COL4A4: variants seen among roughly 807,000 people sequenced by gnomAD.
The protein encoded by COL4A4 is collagen type IV alpha 4 chain.
COL4A4 carries 105 observed loss-of-function variants against 192.9 expected under a neutral mutation model. The ratio of observed to expected loss-of-function variants is 0.54; its 90% CI spans 0.46 to 0.64. COL4A4 has a LOEUF of 0.64. Among genes scored for constraint, COL4A4 ranks in the 30% least tolerant of loss-of-function variants. COL4A4 has a pLI of 0.00. For synonymous variants in COL4A4, 762 were observed against 769.9 expected, an observed-to-expected ratio of 0.99 and a Z score of 0.17; for missense variants, 1,967 against 2,169.3, an observed-to-expected ratio of 0.91 and a Z score of 1.85.
chr2:226,978,160 A>G, the COL4A4 span, among the ~76,000 whole-genome samples: 1 of 152,226 alleles, frequency 6.6e-6, no homozygotes, highest in African/African-American at 2.4e-5. Context: ...TCAGATCCAT[A>G]GAAACAATTC....
chr2:227,112,128 CCAG>C (rs533106090), intron 8 of COL4A4, among the ~76,000 whole-genome samples: 10 of 152,292 alleles, frequency 6.6e-5, no homozygotes, highest in Non-Finnish European at 1.3e-4. Flanking sequence ...TTGCCTCACA[CCAG>C]CCTCTGTCTA....
chr2:227,086,491 T>A (rs975653239), intron 22 of COL4A4, among the ~76,000 whole-genome samples: 11 of 151,552 alleles, frequency 7.3e-5, no homozygotes, highest in South Asian at 6.3e-4. Context: ...ACCCTTTCCT[T>A]CCCTAGTGCC....
At chr2:227,085,688 T>C (rs1312243922) in intron 22 of COL4A4, among the ~76,000 whole-genome samples, 1 of 152,178 alleles carries the variant, frequency 6.6e-6, no homozygotes, top group Admixed American at 6.5e-5. Context: ...CCAGATCTCC[T>C]GTGAACTAAC....
At chr2:227,087,195 A>G (rs1289205378) in intron 22 of COL4A4, among the ~76,000 whole-genome samples, 1 of 152,164 alleles carries the variant, frequency 6.6e-6, no homozygotes, top group Admixed American at 6.5e-5. Context: ...TTCATCTGTA[A>G]CTTTCACCAA....
the COL4A4 span, among the ~76,000 whole-genome samples, chr2:226,982,676 T>G: frequency 6.6e-6 from 1 of 152,216 alleles, no homozygotes; most frequent in Non-Finnish European, 1.5e-5. Flanking sequence ...TGTTCCTCAC[T>G]ATTTGTGTCT....
chr2:227,146,597 G>A (rs576067368), intron 2 of COL4A4, among the ~76,000 whole-genome samples: 37 of 152,246 alleles, frequency 2.4e-4, no homozygotes, highest in Admixed American at 4.6e-4. Context: ...ATTATCTTAT[G>A]GTTCTGGAGG....
chr2:227,130,719 C>T (rs566951007), intron 4 of COL4A4, among the ~76,000 whole-genome samples: 50 of 152,314 alleles, frequency 3.3e-4, no homozygotes, highest in African/African-American at 1.2e-3. Flanking sequence ...GTCACATATC[C>T]AACTGACCAC....
At chr2:227,117,631 G>A (rs2061559633) in intron 7 of COL4A4, among the ~76,000 whole-genome samples, 2 of 150,080 alleles carry the variant, frequency 1.3e-5, no homozygotes, top group African/African-American at 2.5e-5. Context: ...ATTTTATTAA[G>A]GAAGGGAGAA....
chr2:227,069,843 G>A (rs1382795437), intron 25 of COL4A4, among the ~76,000 whole-genome samples: 5 of 151,108 alleles, frequency 3.3e-5, no homozygotes, highest in Non-Finnish European at 7.4e-5. Flanking sequence ...CAAAAGCAAT[G>A]GCAACAAAAG....
chr2:227,107,908 C>A lies in COL4A4; in HGVS notation c.735+673G>T, dbSNP rs1375663843. Among the ~76,000 whole-genome samples the A allele has an allele frequency of 2.6e-5, 4 of 152,020 alleles. No individual in the cohort carries two copies. In the East Asian group the frequency reaches 5.8e-4, roughly 22 times the overall value. ...GAGTACCTGGGACTACAGGCACGCACCACCACGCCCAGCTAATTTTTGTAT... is the reference window on the plus strand; with the variant it reads ...GAGTACCTGGGACTACAGGCACGCAACACCACGCCCAGCTAATTTTTGTAT... On this transcript the variant is annotated intron_variant, in intron 12 of 47. Coordinates refer to ENST00000396625, the MANE Select transcript of COL4A4 (RefSeq NM_000092.5).
In COL4A4 at chr2:227,092,486, C is replaced by T. The variant is rs892097626; in HGVS notation, c.1369+1639G>A. 3.3e-5 allele frequency among the ~76,000 whole-genome samples: 5 copies of T among 152,192 alleles called. 1 individual carries two copies. Among genetic ancestry groups the T allele is most frequent in the African/African-American group, 1.2e-4 (5 of 41,530 alleles). ...CAACAAATTAAAAAATGCAACCTGA[C>T]CTAATCTGAACAACTCAAAAAGCTG... On this transcript the variant is annotated intron_variant, in intron 20 of 47. Transcript: ENST00000396625.
At chr2:227,155,137 G>A (rs2064234696) in intron 1 of COL4A4, among the ~76,000 whole-genome samples, 1 of 152,196 alleles carries the variant, frequency 6.6e-6, no homozygotes, top group Admixed American at 6.5e-5. Flanking sequence ...ATGACTCGGA[G>A]TTCCAACTTG....
At chr2:227,082,566 C>G (rs919767286) in intron 22 of COL4A4, among the ~76,000 whole-genome samples, 3 of 152,124 alleles carry the variant, frequency 2.0e-5, no homozygotes, top group Admixed American at 1.3e-4. Flanking sequence ...TCTTGTGAGT[C>G]AACTACCTCA....
the COL4A4 span, among the ~76,000 whole-genome samples, chr2:226,981,808 A>G: frequency 0.43 from 65,669 of 152,038 alleles, 14,282 homozygotes; most frequent in South Asian, 0.52. Context: ...TCTGACCCAC[A>G]TAAGAATTTC....
chr2:227,051,308 G>C (rs189579527), intron 32 of COL4A4, 150 bp from the exon 33 acceptor site: 374 of 808,216 alleles, frequency 4.6e-4, no homozygotes, highest in Admixed American at 9.7e-4. Context: ...ATCATTTCTG[G>C]CTTCAGTGAC....
the COL4A4 span, among the ~76,000 whole-genome samples, chr2:226,970,853 A>G: frequency 6.6e-6 from 1 of 152,186 alleles, no homozygotes; most frequent in Non-Finnish European, 1.5e-5. Flanking sequence ...GAGGAGGGAT[A>G]TCGTGCCCAT....
In COL4A4 at chr2:227,080,552, G is replaced by A. The variant is rs1357796249; in HGVS notation, c.1697-3C>T. ...AGGACCTCTTTCTCCTTTGTGCCCTGGAAATAGAGGTCAAAAGATATTCAA... is the reference window on the plus strand; with the variant it reads ...AGGACCTCTTTCTCCTTTGTGCCCTAGAAATAGAGGTCAAAAGATATTCAA... On this transcript the variant is annotated splice_polypyrimidine_tract_variant and splice_region_variant and intron_variant, in intron 23 of 47. Transcript: ENST00000396625. 2 of 1,611,916 alleles carry A rather than the reference G, an allele frequency of 1.2e-6. No individual in the cohort carries two copies. Among genetic ancestry groups the A allele is most frequent in the Non-Finnish European group, 1.7e-6 (2 of 1,178,150 alleles).
chr2:226,977,954 G>A, the COL4A4 span, among the ~76,000 whole-genome samples: 1 of 152,094 alleles, frequency 6.6e-6, no homozygotes, highest in East Asian at 1.9e-4. Context: ...AGGCTGTTTG[G>A]GCATGTTTTA....
Position 227,010,420 on chromosome 2 carries a change from CTG to C in COL4A4, c.4413_4414del (p.His1471GlnfsTer21). 1 of 1,614,120 alleles carries C rather than the reference CTG, an allele frequency of 6.2e-7. No individual in the cohort carries two copies. On this transcript the variant is annotated frameshift_variant, in exon 46 of 48. Coordinates refer to ENST00000396625, the MANE Select transcript of COL4A4 (RefSeq NM_000092.5). LOFTEE classifies it high-confidence loss of function. ...GCAGGTGGGCTCCTGGTCCGTCTGA[CTG>C]TGGAGAACCAGGAGGAAGCCACCGA...
Sources: allele counts gnomAD v4.1 joint callset (sites outside exome capture counted in the v4.1 genomes callset), GRCh38; gene constraint gnomAD v4.1.1; transcripts MANE v1.5; gene names NCBI Gene and HGNC (gene_info 2026-07-23, HGNC 2026-07-21).